The following LRCH3 variants were observed in gnomAD, a reference collection of about 807,000 sequenced individuals.
LRCH3 encodes DISP complex protein LRCH3.
In LRCH3, 68 loss-of-function variants were observed where a neutral mutation model predicts 104.5. That is an observed-to-expected ratio of 0.65 (90% confidence interval 0.54 to 0.80). The LOEUF (loss-of-function observed/expected upper bound fraction) is 0.80. LRCH3 is among the 30% of genes least tolerant of loss of function. The probability of loss-of-function intolerance (pLI) is 0.00; values close to 1 mark genes in which losing one functional copy is unlikely to be tolerated. For missense variants in LRCH3, 951 were observed against 953.9 expected (o/e 1.00, Z 0.04); for synonymous variants, 344 against 361.3 (o/e 0.95, Z 0.54).
At chr3:197,839,508 T>C in intron 10 of LRCH3, 111 bp downstream of exon 10, 1 of 605,898 alleles carries the variant, frequency 1.7e-6, no homozygotes, top group Non-Finnish European at 2.8e-6. Context: ...ATGGCATGTA[T>C]TTAGAACTGA....
chr3:197,853,097 T>C (rs934017816), intron 13 of LRCH3, among the ~76,000 whole-genome samples: 2 of 152,236 alleles, frequency 1.3e-5, no homozygotes, highest in Non-Finnish European at 2.9e-5. Flanking sequence ...ACACCTCTTT[T>C]GATCTGTTAA....
chr3:197,853,250 C>T (rs763620873), intron 13 of LRCH3, among the ~76,000 whole-genome samples: 3 of 151,950 alleles, frequency 2.0e-5, no homozygotes, highest in African/African-American at 2.4e-5. Context: ...AGTGCAGTGG[C>T]GCGATACTGG....
chr3:197,867,002 C>T (rs891309258), intron 17 of LRCH3, among the ~76,000 whole-genome samples: 2 of 151,916 alleles, frequency 1.3e-5, no homozygotes, highest in African/African-American at 2.4e-5. Flanking sequence ...TGGCTGGGCA[C>T]GGTGGCTCAC....
At chr3:197,834,821 A>G (rs1022903014) in intron 8 of LRCH3, among the ~76,000 whole-genome samples, 1 of 152,184 alleles carries the variant, frequency 6.6e-6, no homozygotes, top group Non-Finnish European at 1.5e-5. Flanking sequence ...TCTGGAGCCT[A>G]TTTTTGTGAG....
chr3:197,849,267 CAAAAAAAAAA>C (rs35823428), intron 12 of LRCH3, among the ~76,000 whole-genome samples: 10 of 35,318 alleles, frequency 2.8e-4, no homozygotes, highest in African/African-American at 7.3e-4. Context: ...GACTCCACCT[CAAAAAAAAAA>C]AAAAAAAAAA....
At chr3:197,866,291 GC>G (rs998968145) in intron 17 of LRCH3, 72 bp downstream of exon 17, 1 of 1,047,648 alleles carries the variant, frequency 9.5e-7, no homozygotes, top group Non-Finnish European at 1.5e-6. Context: ...TTAGATGGAT[GC>G]TTTTAAACTT....
intron 15 of LRCH3, among the ~76,000 whole-genome samples, chr3:197,860,669 A>G (rs1415182388): frequency 1.3e-5 from 2 of 151,900 alleles, no homozygotes; most frequent in Non-Finnish European, 2.9e-5. Context: ...AGGTATTTTG[A>G]TATAGGTATA....
At chr3:197,821,206 G>T (rs1734450860) in intron 4 of LRCH3, among the ~76,000 whole-genome samples, 1 of 152,162 alleles carries the variant, frequency 6.6e-6, no homozygotes, top group South Asian at 2.1e-4. Flanking sequence ...TCAAACAGAG[G>T]CTAATGAACC....
At chr3:197,830,543 G>A (rs1735794329) in intron 6 of LRCH3, 3 of 433,368 alleles carry the variant, frequency 6.9e-6, no homozygotes, top group East Asian at 4.3e-5. Flanking sequence ...GAATTGCAGA[G>A]GTGTGATTGT....
At chr3:197,818,117 G>A (rs971762285) in intron 3 of LRCH3, among the ~76,000 whole-genome samples, 4 of 152,078 alleles carry the variant, frequency 2.6e-5, no homozygotes, top group Admixed American at 6.6e-5. Flanking sequence ...CACCGCGCAC[G>A]GCCCTGTTGC....
chr3:197,805,407 G>T (rs1314384311), intron 1 of LRCH3, among the ~76,000 whole-genome samples: 1 of 152,204 alleles, frequency 6.6e-6, no homozygotes, highest in African/African-American at 2.4e-5. Context: ...CTAAAACTGG[G>T]TCTGGATTTG....
At position 197,847,409 on chromosome 3, in the gene LRCH3, G is replaced by T; in HGVS notation, c.1329G>T (p.Arg443Ser). ...EDMRRYLHQNRVPAEPSSLLS... is the reference protein window; with the variant it reads ...EDMRRYLHQNSVPAEPSSLLS... ...CTTTCTTTTTTCTTTTTTGGGTCAG[G>T]GTTCCAGCTGAGCCATCTTCCCTCC... The change falls in exon 11 of 21, where the codon AGG becomes AGT. Residue 443 changes from arginine to serine, a missense_variant and splice_region_variant. Physicochemically the swap from Arg to Ser is moderately radical, Grantham distance 110. Transcript: ENST00000425562. 1.3e-6 allele frequency: 2 copies of T among 1,591,296 alleles called. No individual in the cohort carries two copies. The highest frequency in any genetic ancestry group is 2.3e-5 in the East Asian group (1 of 43,466).
At chr3:197,816,728 G>T (rs775298073) in intron 2 of LRCH3, among the ~76,000 whole-genome samples, 8 of 151,946 alleles carry the variant, frequency 5.3e-5, no homozygotes, top group Non-Finnish European at 1.2e-4. Context: ...CACCATTTAT[G>T]TGCATTTGAT....
chr3:197,803,216 G>A (rs1732093997), intron 1 of LRCH3, among the ~76,000 whole-genome samples: 1 of 152,180 alleles, frequency 6.6e-6, no homozygotes, highest in Non-Finnish European at 1.5e-5. Context: ...TCTCACTTGT[G>A]TAAGGAAAAT....
chr3:197,794,076 T>C (rs1345676055), intron 1 of LRCH3, among the ~76,000 whole-genome samples: 1 of 152,254 alleles, frequency 6.6e-6, no homozygotes, highest in Non-Finnish European at 1.5e-5. Context: ...GAGAAAGTCA[T>C]ATGGCTATCA....
At chr3:197,830,319 C>T (rs1019945908) in intron 6 of LRCH3, among the ~76,000 whole-genome samples, 1 of 152,192 alleles carries the variant, frequency 6.6e-6, no homozygotes, top group Non-Finnish European at 1.5e-5. Context: ...TGAGCTCAAG[C>T]ATTCCTCCCA....
chr3:197,820,495 C>A, intron 4 of LRCH3, 65 bp downstream of exon 4: 2 of 1,102,500 alleles, frequency 1.8e-6, no homozygotes, highest in Non-Finnish European at 2.7e-6. Flanking sequence ...TCTCTCAGAC[C>A]AATCAAGACA....
chr3:197,815,625 A>G (rs1439160484), intron 2 of LRCH3, among the ~76,000 whole-genome samples: 2 of 152,216 alleles, frequency 1.3e-5, no homozygotes, highest in African/African-American at 2.4e-5. Context: ...TGCTTCTCCA[A>G]TTACATTTTC....
intron 1 of LRCH3, among the ~76,000 whole-genome samples, chr3:197,801,665 A>G (rs1252384876): frequency 6.6e-6 from 1 of 152,156 alleles, no homozygotes; most frequent in African/African-American, 2.4e-5. Context: ...ACAGTAAACA[A>G]TATCATCTTT....
Sources: allele counts gnomAD v4.1 joint callset (sites outside exome capture counted in the v4.1 genomes callset), GRCh38; gene constraint gnomAD v4.1.1; transcripts MANE v1.5; gene names NCBI Gene and HGNC (gene_info 2026-07-23, HGNC 2026-07-21).